The following ARMH4 variants were observed in gnomAD, a reference collection of about 807,000 sequenced individuals.
ARMH4 encodes the protein armadillo-like helical domain-containing protein 4.
ARMH4 carries 49 observed loss-of-function variants against 61.9 expected under a neutral mutation model. That is an observed-to-expected ratio of 0.79 (90% CI 0.63 to 1.00). ARMH4 has a LOEUF of 1.00. Among genes scored for constraint, ARMH4 ranks in the 50% least tolerant of loss-of-function variants. The pLI, the probability that ARMH4 is intolerant of heterozygous loss-of-function variation, is 0.00. For missense variants in ARMH4, 934 were observed against 930.0 expected, an observed-to-expected ratio of 1.00 and a Z score of -0.06; for synonymous variants, 368 against 341.5, an observed-to-expected ratio of 1.08 and a Z score of -0.85.
chr14:58,018,419 C>A (rs2141142643), intron 5 of ARMH4, among the ~76,000 whole-genome samples: 1 of 150,618 alleles, frequency 6.6e-6, no homozygotes, highest in South Asian at 2.1e-4. Context: ...ACTCATACAA[C>A]TGAATAGCAA....
chr14:58,128,970 G>C (rs1417650946), intron 4 of ARMH4, among the ~76,000 whole-genome samples: 1 of 152,210 alleles, frequency 6.6e-6, no homozygotes, highest in Non-Finnish European at 1.5e-5. Context: ...ACGGCCATGT[G>C]AATAGATTGG....
intron 1 of ARMH4, among the ~76,000 whole-genome samples, chr14:58,147,740 G>A (rs1358917030): frequency 6.6e-6 from 1 of 152,076 alleles, no homozygotes; most frequent in East Asian, 1.9e-4. Flanking sequence ...ACAACCTAAT[G>A]AGGTATACTG....
chr14:58,143,998 T>A (rs1483301944), intron 1 of ARMH4, among the ~76,000 whole-genome samples: 1 of 152,000 alleles, frequency 6.6e-6, no homozygotes, highest in South Asian at 2.1e-4. Flanking sequence ...GATCTAGAAC[T>A]CCTGACCTCA....
rs112675262 is a variant in ARMH4, at chr14:58,060,271, G to A, written c.2089+36453C>T. 6.3e-3 allele frequency among the ~76,000 whole-genome samples: 961 copies of A among 152,266 alleles called. 15 individuals are homozygous for A. The highest frequency in any genetic ancestry group is 0.021 in the African/African-American group (893 of 41,550). On this transcript the variant is annotated intron_variant, in intron 5 of 7. Coordinates refer to ENST00000267485, the MANE Select transcript of ARMH4 (RefSeq NM_001001872.4). ...CTCCTAAACAAGGCAGCATTAATGA[G>A]TCAGCTTTGCTGTTATTTCCTCATA...
At chr14:58,062,235 G>A (rs1884554551) in intron 5 of ARMH4, among the ~76,000 whole-genome samples, 1 of 152,132 alleles carries the variant, frequency 6.6e-6, no homozygotes, top group Admixed American at 6.5e-5. Flanking sequence ...CAGCTACTTG[G>A]GAGGCTGAGG....
At chr14:58,137,909 C>T in intron 2 of ARMH4, 81 bp downstream of exon 2, 1 of 1,363,624 alleles carries the variant, frequency 7.3e-7, no homozygotes, top group Non-Finnish European at 9.9e-7. Context: ...AAACTTCAAC[C>T]TATTTCTAAA....
chr14:58,125,225 C>A lies in ARMH4; in HGVS notation c.1831+6287G>T, dbSNP rs115011529. Among the ~76,000 whole-genome samples, 1,076 of 152,106 alleles carry A rather than the reference C, an allele frequency of 7.1e-3. 15 individuals are homozygous for A. The highest frequency in any genetic ancestry group is 0.024 in the African/African-American group (993 of 41,488). Reference sequence around the variant, plus strand: ...ACCCCTAGTATGGGGTAATCCCCTCCGAGAAACCAAGCCCCACTACTCAGC... The same window carrying A: ...ACCCCTAGTATGGGGTAATCCCCTCAGAGAAACCAAGCCCCACTACTCAGC... On this transcript the variant is annotated intron_variant, in intron 4 of 7. Coordinates refer to ENST00000267485, the MANE Select transcript of ARMH4 (RefSeq NM_001001872.4).
chr14:58,071,314 T>C (rs1461337796), intron 5 of ARMH4, among the ~76,000 whole-genome samples: 1 of 152,136 alleles, frequency 6.6e-6, no homozygotes, highest in African/African-American at 2.4e-5. Flanking sequence ...GCTTTACTCA[T>C]CCAAAAATCA....
At chr14:58,148,624 A>T (rs182909533) in intron 1 of ARMH4, among the ~76,000 whole-genome samples, 2 of 152,330 alleles carry the variant, frequency 1.3e-5, no homozygotes, top group Non-Finnish European at 2.9e-5. Flanking sequence ...TGTTGGCATG[A>T]TGTGAATATA....
intron 4 of ARMH4, among the ~76,000 whole-genome samples, chr14:58,128,451 T>C (rs980392753): frequency 2.0e-5 from 3 of 152,180 alleles, no homozygotes; most frequent in Admixed American, 1.3e-4. Flanking sequence ...ACAGCCCTCG[T>C]AGAGGTATGC....
chr14:58,025,008 A>T (rs113118658), intron 5 of ARMH4, among the ~76,000 whole-genome samples: 77 of 152,304 alleles, frequency 5.1e-4, no homozygotes, highest in African/African-American at 1.8e-3. Flanking sequence ...CTGAAATATC[A>T]AGAGAATTAC....
At chr14:58,036,399 T>C (rs1266353025) in intron 5 of ARMH4, among the ~76,000 whole-genome samples, 10 of 57,302 alleles carry the variant, frequency 1.7e-4, no homozygotes, top group African/African-American at 2.8e-4. Context: ...TGGGACGTAT[T>C]TCAAAATAAT....
At chr14:58,100,575 G>A (rs1350321512) in intron 4 of ARMH4, among the ~76,000 whole-genome samples, 1 of 152,124 alleles carries the variant, frequency 6.6e-6, no homozygotes, top group Non-Finnish European at 1.5e-5. Context: ...AAGAGAAGTT[G>A]AAAAAGAGGC....
At chr14:58,145,013 C>G (rs902839750) in intron 1 of ARMH4, among the ~76,000 whole-genome samples, 1 of 152,198 alleles carries the variant, frequency 6.6e-6, no homozygotes, top group Non-Finnish European at 1.5e-5. Flanking sequence ...CTATAGAACT[C>G]TGTGGTTCAT....
At position 58,138,736 on chromosome 14, in the gene ARMH4, G is replaced by A. The variant is rs1887414947; in HGVS notation, c.623C>T (p.Ser208Phe). 6.2e-7 allele frequency: 1 copy of A among 1,614,172 alleles called. No individual in the cohort carries two copies. Among genetic ancestry groups the A allele is most frequent in the Non-Finnish European group, 8.5e-7 (1 of 1,180,044 alleles). The change falls in exon 2 of 8, where the codon TCC becomes TTC. Residue 208 changes from serine to phenylalanine, a missense_variant. Ser to Phe is a radical substitution (Grantham distance 155). Coordinates refer to ENST00000267485, the MANE Select transcript of ARMH4 (RefSeq NM_001001872.4). ...EGVGLGHSPS[S>F]YVNTKEMLTT... is the part of the protein sequence containing the mutation. The stretch of plus-strand genomic sequence containing the variant: ...TAGCATTTCCTTAGTATTCACATAG[G>A]ATGAAGGTGAATGTCCCAAACCAAC...
Position 58,144,271 on chromosome 14 carries a change from C to T in ARMH4, c.-56-4857G>A, listed in dbSNP as rs74806401. On this transcript the variant is annotated intron_variant, in intron 1 of 7. Coordinates refer to ENST00000267485, the MANE Select transcript of ARMH4 (RefSeq NM_001001872.4). ...CTATTTGCCTTCCTTAAAACAAAAACGTAATGAAGGGGCCAGGTGCAGTGG... is the reference window on the plus strand; with the variant it reads ...CTATTTGCCTTCCTTAAAACAAAAATGTAATGAAGGGGCCAGGTGCAGTGG... Among the ~76,000 whole-genome samples, 180 of 152,132 alleles carry T rather than the reference C, an allele frequency of 1.2e-3. 3 individuals are homozygous for T. Among genetic ancestry groups the T allele is most frequent in the East Asian group, 0.011 (56 of 5,170 alleles).
chr14:58,105,568 T>C (rs1166060172), intron 4 of ARMH4, among the ~76,000 whole-genome samples: 2 of 151,754 alleles, frequency 1.3e-5, no homozygotes, highest in Non-Finnish European at 2.9e-5. Flanking sequence ...ATGCCTGTAG[T>C]CCCAGCTACT....
At chr14:58,116,351 G>T (rs565177016) in intron 4 of ARMH4, 8 of 353,776 alleles carry the variant, frequency 2.3e-5, no homozygotes, top group South Asian at 1.4e-4. Context: ...AAAATGTTTT[G>T]GATTCAATTT....
chr14:58,042,105 A>G (rs1394562655), intron 5 of ARMH4, among the ~76,000 whole-genome samples: 2 of 152,146 alleles, frequency 1.3e-5, no homozygotes, highest in Non-Finnish European at 2.9e-5. Context: ...CCTAATAGAC[A>G]TCTACAGAAC....
Sources: gnomAD v4.1 joint callset for allele counts (sites outside exome capture counted in the v4.1 genomes callset) on GRCh38, gnomAD v4.1.1 for gene constraint, MANE v1.5 for transcripts, NCBI Gene and HGNC (gene_info 2026-07-23, HGNC 2026-07-21) for gene names.